The following PDXK variants were observed in gnomAD, a reference collection of about 807,000 sequenced individuals.
The protein encoded by PDXK is epididymis secretory sperm binding protein Li 1a.
In PDXK, 15 loss-of-function variants were observed where a neutral mutation model predicts 43.2. The ratio of observed to expected loss-of-function variants is 0.35; its 90% CI spans 0.23 to 0.53. The LOEUF is 0.53. Ranked by LOEUF, PDXK falls within the 20% of genes least tolerant of loss-of-function variation. The pLI is 0.92. For missense variants in PDXK, 343 were observed against 417.0 expected (o/e 0.82, Z 1.54); for synonymous variants, 172 against 165.4 (o/e 1.04, Z -0.31).
chr21:43,746,609 C>G (rs890331954), intron 5 of PDXK, among the ~76,000 whole-genome samples: 1 of 152,032 alleles, frequency 6.6e-6, no homozygotes, highest in Non-Finnish European at 1.5e-5. Context: ...TTACTAGATA[C>G]GATTTCACTG....
chr21:43,744,343 CTGGCAGAAGG>C, intron 4 of PDXK: 1 of 158,732 alleles, frequency 6.3e-6, no homozygotes, highest in Admixed American at 6.1e-5. Flanking sequence ...ATCTTGACGC[CTGGCAGAAGG>C]GGCAGCGTCA....
chr21:43,725,018 G>A lies in PDXK; in HGVS notation c.87+5637G>A, dbSNP rs192180521. On this transcript the variant is annotated intron_variant, in intron 1 of 10. Transcript: ENST00000291565. The stretch of plus-strand genomic sequence containing the variant: ...GGCATCACTGGAGGGTTCTCTTGGG[G>A]AAATGGTTAAAACACCTGGTGTTGG... Among the ~76,000 whole-genome samples, 485 of 152,224 alleles carry A rather than the reference G, an allele frequency of 3.2e-3. 1 individual carries two copies. The highest frequency in any genetic ancestry group is 0.011 in the African/African-American group (467 of 41,548).
At chr21:43,755,417 C>A in intron 9 of PDXK, 2 of 462,722 alleles carry the variant, frequency 4.3e-6, no homozygotes, top group South Asian at 2.8e-5. Flanking sequence ...CTGCTGCCTG[C>A]CAAGTTCTAT....
intron 1 of PDXK, among the ~76,000 whole-genome samples, chr21:43,722,100 A>G (rs2083210665): frequency 6.6e-6 from 1 of 152,214 alleles, no homozygotes; most frequent in Non-Finnish European, 1.5e-5. Flanking sequence ...GACCTGCCCA[A>G]GACAGGCCAT....
chr21:43,743,753 A>G lies in PDXK; in HGVS notation c.277A>G (p.Met93Val). ...GYTRDKSFLA[M>V]VVDIVQELKQ... is the part of the protein sequence containing the mutation. ...TACGAGGGACAAGTCGTTCCTGGCC[A>G]TGGTGGTGGACATTGTGCAGGAGCT... Residue 93 changes from methionine to valine, a missense_variant, in exon 4 of 11, where the codon ATG (methionine) becomes GTG (valine). Transcript: ENST00000291565. 6.2e-7 allele frequency: 1 copy of G among 1,613,730 alleles called. No individual in the cohort carries two copies. Among genetic ancestry groups the G allele is most frequent in the Non-Finnish European group, 8.5e-7 (1 of 1,179,756 alleles).
At chr21:43,740,207 GTGCGACGGC>G (rs1482271345) in intron 2 of PDXK, among the ~76,000 whole-genome samples, 1 of 152,070 alleles carries the variant, frequency 6.6e-6, no homozygotes, top group Non-Finnish European at 1.5e-5. Flanking sequence ...ACGTCCTCCC[GTGCGACGGC>G]TGCTGGGGAA....
Position 43,759,148 on chromosome 21 carries a change from C to T in PDXK, c.*3085C>T, listed in dbSNP as rs777730667. ...TGGGGTAACAGTCCCCACCGCTACC[C>T]GAGGTAAAACAATAAAAGCTATGTG... On this transcript the variant is annotated 3_prime_UTR_variant, in exon 11 of 11. Transcript: ENST00000291565. 3 of 152,348 alleles carry T rather than the reference C, an allele frequency of 2.0e-5. No individual in the cohort carries two copies. The highest frequency in any genetic ancestry group is 1.9e-4 in the East Asian group (1 of 5,194). 9.4% of individuals were successfully genotyped at this position (152,348 alleles called of 1,614,324 possible).
chr21:43,745,937 C>T (rs2083631346), intron 4 of PDXK, 142 bp from the exon 5 acceptor site: 1 of 706,022 alleles, frequency 1.4e-6, no homozygotes, highest in Non-Finnish European at 2.6e-6. Flanking sequence ...ATCGAGGTTG[C>T]AGTGAACCAT....
rs757667600 is a variant in PDXK at position 43,761,401 on chromosome 21, G to A, written c.*5338G>A. ...CTGTCCTGCCCGTCAGTGCTGGGAC[G>A]GACAGCAAGGGCAAGCCCAGTGTCT... On this transcript the variant is annotated 3_prime_UTR_variant, in exon 11 of 11. Coordinates refer to ENST00000291565, the MANE Select transcript of PDXK (RefSeq NM_003681.5). The A allele has an allele frequency of 2.9e-4, 45 of 156,314 alleles. No homozygotes were observed. Among genetic ancestry groups the A allele is most frequent in the Non-Finnish European group, 4.2e-4 (29 of 69,572 alleles). The allele number at this position is 156,314 out of a possible 1,614,324, so 9.7% of individuals were successfully genotyped here. A position where few individuals can be genotyped will look rare whatever the true frequency, so the allele number is the denominator to read the frequency against.
chr21:43,747,098 G>A (rs4819306), intron 5 of PDXK: 111,795 of 152,392 alleles, frequency 0.73, 41,341 homozygotes, highest in Middle Eastern at 0.8. Flanking sequence ...AGATCGCACC[G>A]CTACACTCAC....
At position 43,759,314 on chromosome 21, in the gene PDXK, C is replaced by T. The variant is rs1052889517; in HGVS notation, c.*3251C>T. 2.0e-4 allele frequency: 31 copies of T among 153,760 alleles called. No homozygotes were observed. Among genetic ancestry groups the T allele is most frequent in the African/African-American group, 7.5e-4 (31 of 41,454 alleles). The allele number at this position is 153,760 out of a possible 1,614,324, so 9.5% of individuals were successfully genotyped here. ...TTGCGGGGCCCCGAGCAGCTCCCCA[C>T]TCTGCCCGTCCACCTTCCCTGGCTC... On this transcript the variant is annotated 3_prime_UTR_variant, in exon 11 of 11. Transcript: ENST00000291565.
At chr21:43,753,946 T>TC (rs2083801636) in intron 9 of PDXK, among the ~76,000 whole-genome samples, 1 of 152,094 alleles carries the variant, frequency 6.6e-6, no homozygotes, top group African/African-American at 2.4e-5. Flanking sequence ...ATGATCAGAG[T>TC]CTGTGAGGGC....
chr21:43,745,961 C>G, intron 4 of PDXK, 118 bp from the exon 5 acceptor site: 1 of 800,544 alleles, frequency 1.2e-6, no homozygotes, highest in East Asian at 2.6e-5. Flanking sequence ...TGCACCACTG[C>G]ACTCCAGCCT....
In PDXK at chr21:43,719,294, C is replaced by G; in HGVS notation, c.-1C>G. 14 of 1,463,524 alleles carry G rather than the reference C, an allele frequency of 9.6e-6. No homozygotes were observed. Among genetic ancestry groups the G allele is most frequent in the Non-Finnish European group, 1.2e-5 (13 of 1,104,348 alleles). 90.7% of individuals were successfully genotyped at this position (1,463,524 alleles called of 1,614,324 possible). ...CCCGCGCCGCCGCGGCCAGGCCCGG[C>G]ATGGAGGAGGAGTGCCGGGTGCTCT... On this transcript the variant is annotated 5_prime_UTR_variant, in exon 1 of 11. Transcript: ENST00000291565.
At chr21:43,741,069 C>T (rs1245558155) in intron 2 of PDXK, 1 of 141,990 alleles carries the variant, frequency 7.0e-6, no homozygotes, top group African/African-American at 2.7e-5. Context: ...TCCTCCTGTA[C>T]CTGGGACGCA....
chr21:43,758,956 T>A lies in PDXK; in HGVS notation c.*2893T>A, dbSNP rs1177513648. ...AAACAGTTGCAGCATGATGCTTTGT[T>A]TAATGTCCTGTTCTTAAGCTCGTTA... On this transcript the variant is annotated 3_prime_UTR_variant, in exon 11 of 11. Transcript: ENST00000291565. 6.6e-6 allele frequency: 1 copy of A among 152,224 alleles called. No homozygotes were observed. Among genetic ancestry groups the A allele is most frequent in the Non-Finnish European group, 1.5e-5 (1 of 68,052 alleles). 9.4% of individuals were successfully genotyped at this position (152,224 alleles called of 1,614,324 possible).
chr21:43,728,420 T>A (rs2083275493), intron 1 of PDXK, among the ~76,000 whole-genome samples: 3 of 152,186 alleles, frequency 2.0e-5, no homozygotes, highest in Admixed American at 2.0e-4. Flanking sequence ...CTTCGGCTTC[T>A]GTGCAGCGCT....
intron 6 of PDXK, among the ~76,000 whole-genome samples, chr21:43,750,296 TGA>T (rs1402645543): frequency 1.3e-5 from 2 of 152,270 alleles, no homozygotes; most frequent in African/African-American, 4.8e-5. Context: ...GGGCCTTACG[TGA>T]CTCCTGTAAT....
At chr21:43,749,675 C>T (rs1342228058) in intron 6 of PDXK, among the ~76,000 whole-genome samples, 1 of 152,156 alleles carries the variant, frequency 6.6e-6, no homozygotes, top group Non-Finnish European at 1.5e-5. Context: ...GATGGTTTTG[C>T]TGCCCCTGTG....
Sources: allele counts gnomAD v4.1 joint callset (sites outside exome capture counted in the v4.1 genomes callset), GRCh38; gene constraint gnomAD v4.1.1; transcripts MANE v1.5; gene names NCBI Gene and HGNC (gene_info 2026-07-23, HGNC 2026-07-21).